The following CNTN6 variants were observed in gnomAD, a reference collection of about 807,000 sequenced individuals.
The protein encoded by CNTN6 is contactin 6.
A neutral mutation model predicts 122.8 loss-of-function variants in CNTN6; 137 were observed. The ratio of observed to expected loss-of-function variants is 1.12; its 90% CI spans 0.97 to 1.29. The LOEUF (loss-of-function observed/expected upper bound fraction) is 1.29, where lower values mean the gene tolerates loss of function less well. CNTN6 is among the 50% of genes most tolerant of loss of function. The probability of loss-of-function intolerance (pLI) is 0.00; values close to 1 mark genes in which losing one functional copy is unlikely to be tolerated. For missense variants in CNTN6, 1,634 were observed against 1,223.4 expected (o/e 1.34, Z -5.01); for synonymous variants, 570 against 426.0 (o/e 1.34, Z -4.16).
chr3:1,115,777 A>G (rs920736847), intron 1 of CNTN6, among the ~76,000 whole-genome samples: 3 of 152,138 alleles, frequency 2.0e-5, no homozygotes, highest in Admixed American at 6.5e-5. Flanking sequence ...ATAAACAAAC[A>G]AAAGAACACC....
chr3:1,268,327 G>T (rs1257515769), intron 4 of CNTN6, among the ~76,000 whole-genome samples: 1 of 152,176 alleles, frequency 6.6e-6, no homozygotes, highest in Non-Finnish European at 1.5e-5. Context: ...TAGAGAGTGG[G>T]CTGGGCGCGG....
chr3:1,330,923 T>A (rs1702201063), intron 11 of CNTN6, among the ~76,000 whole-genome samples: 1 of 151,926 alleles, frequency 6.6e-6, no homozygotes, highest in African/African-American at 2.4e-5. Flanking sequence ...AGAACTAGGT[T>A]TGTAGAACTT....
chr3:1,284,893 A>G lies in CNTN6; in HGVS notation c.454+6385A>G, dbSNP rs1694078730. The stretch of plus-strand genomic sequence containing the variant: ...TTGGGAGAACGGCACTGAGGTCAGC[A>G]TAGGTGAATTAAAATGAACAGACAG... On this transcript the variant is annotated intron_variant, in intron 5 of 22. Coordinates refer to ENST00000446702, the MANE Select transcript of CNTN6 (RefSeq NM_001289080.2). Among the ~76,000 whole-genome samples, 5 of 150,722 alleles carry G rather than the reference A, an allele frequency of 3.3e-5. No individual in the cohort carries two copies. In the South Asian group the frequency reaches 1.0e-3, roughly 31 times the overall value.
intron 3 of CNTN6, among the ~76,000 whole-genome samples, chr3:1,226,240 T>A (rs1419025114): frequency 6.6e-6 from 1 of 152,116 alleles, no homozygotes; most frequent in African/African-American, 2.4e-5. Context: ...ACCAAAATAT[T>A]TTTAATATGA....
At chr3:1,359,163 A>T (rs565434348) in intron 12 of CNTN6, among the ~76,000 whole-genome samples, 1 of 152,088 alleles carries the variant, frequency 6.6e-6, no homozygotes, top group Non-Finnish European at 1.5e-5. Context: ...TATTTATAAG[A>T]AATATAAATA....
chr3:1,158,815 TACACACACATATATATAC>T (rs1464565272), intron 2 of CNTN6, among the ~76,000 whole-genome samples: 3 of 130,430 alleles, frequency 2.3e-5, no homozygotes, highest in African/African-American at 9.5e-5. Context: ...CACATATATA[TACACACACATATATATAC>T]ACACACATAT....
At chr3:1,368,537 A>C (rs1324948838) in intron 12 of CNTN6, among the ~76,000 whole-genome samples, 1 of 152,216 alleles carries the variant, frequency 6.6e-6, no homozygotes, top group East Asian at 1.9e-4. Flanking sequence ...ATAAAAACTT[A>C]TCAAAAAGTA....
chr3:1,329,815 T>A lies in CNTN6; in HGVS notation c.1244T>A (p.Val415Asp). The A allele has an allele frequency of 6.2e-7, 1 of 1,606,310 alleles. No homozygotes were observed. The part of the protein sequence containing the change: ...ASAPDFSKSP[V>D]KKKSFVQVGG... ...GCTCCAGATTTCTCCAAAAGTCCAG[T>A]TAAAAAAAAGTCTTTTGTTCAAGTT... is the stretch of plus-strand genomic sequence containing the variant. Residue 415 changes from valine to aspartate, a missense_variant, in exon 11 of 23, where the codon GTT becomes GAT. Transcript: ENST00000446702.
intron 4 of CNTN6, among the ~76,000 whole-genome samples, chr3:1,228,256 G>T (rs1234104145): frequency 2.0e-5 from 3 of 152,052 alleles, no homozygotes; most frequent in Non-Finnish European, 2.9e-5. Context: ...AAAAGTTTCA[G>T]ACATAAATAT....
chr3:1,242,296 G>C (rs144898075), intron 4 of CNTN6, among the ~76,000 whole-genome samples: 8,320 of 151,936 alleles, frequency 0.055, 340 homozygotes, highest in East Asian at 0.14. Context: ...TCTTTAAGAT[G>C]GAGAACAGAA....
intron 4 of CNTN6, among the ~76,000 whole-genome samples, chr3:1,229,630 T>G (rs1191782322): frequency 6.6e-6 from 1 of 152,178 alleles, no homozygotes; most frequent in East Asian, 1.9e-4. Flanking sequence ...CATACCTTCT[T>G]TCTGCTTTAA....
chr3:1,203,209 C>G (rs370080730), intron 2 of CNTN6, among the ~76,000 whole-genome samples: 35 of 152,110 alleles, frequency 2.3e-4, no homozygotes, highest in African/African-American at 8.4e-4. Context: ...AAAAATGTCT[C>G]ACAGTTACAG....
intron 7 of CNTN6, among the ~76,000 whole-genome samples, chr3:1,302,943 T>TA (rs1697677135): frequency 1.4e-5 from 1 of 73,882 alleles, no homozygotes; most frequent in Non-Finnish European, 3.5e-5. Context: ...CTTTTTAAAA[T>TA]TTTTATTTTT....
intron 7 of CNTN6, among the ~76,000 whole-genome samples, chr3:1,310,788 G>A (rs916291664): frequency 6.6e-6 from 1 of 152,128 alleles, no homozygotes; most frequent in Non-Finnish European, 1.5e-5. Context: ...GATCGCCTGA[G>A]GTCAGGAGTT....
At chr3:1,170,074 A>G (rs1038984943) in intron 2 of CNTN6, among the ~76,000 whole-genome samples, 1 of 151,918 alleles carries the variant, frequency 6.6e-6, no homozygotes, top group Admixed American at 6.6e-5. Context: ...GTCTCTACCA[A>G]AAATACAAAA....
chr3:1,113,635 A>G (rs1163483776), intron 1 of CNTN6, among the ~76,000 whole-genome samples: 1 of 152,186 alleles, frequency 6.6e-6, no homozygotes. Context: ...GATTCTGGCA[A>G]TGAGACTATT....
intron 1 of CNTN6, among the ~76,000 whole-genome samples, chr3:1,119,321 T>TTGTGTGTGTGTGTGTGTG (rs1574914794): frequency 1.6e-4 from 1 of 6,390 alleles, no homozygotes; most frequent in Non-Finnish European, 2.9e-4. Context: ...AACAGAAAAA[T>TTGTGTGTGTGTGTGTGTG]CGTGTGTGTG....
chr3:1,361,739 ATT>A (rs1181553898), intron 12 of CNTN6, among the ~76,000 whole-genome samples: 1 of 152,152 alleles, frequency 6.6e-6, no homozygotes, highest in Non-Finnish European at 1.5e-5. Flanking sequence ...CACCACAAAT[ATT>A]GTTAAAATAT....
chr3:1,285,888 T>G (rs2125824646), intron 5 of CNTN6, among the ~76,000 whole-genome samples: 1 of 152,246 alleles, frequency 6.6e-6, no homozygotes, highest in African/African-American at 2.4e-5. Flanking sequence ...CACAGAGAGG[T>G]CTACTGATTT....
Sources: allele counts gnomAD v4.1 joint callset (sites outside exome capture counted in the v4.1 genomes callset), GRCh38; gene constraint gnomAD v4.1.1; transcripts MANE v1.5; gene names NCBI Gene and HGNC (gene_info 2026-07-23, HGNC 2026-07-21).